Variants in FHIT observed in about 807,000 individuals in gnomAD.
FHIT encodes the protein fragile histidine triad diadenosine triphosphatase, also known as bis(5'-adenosyl)-triphosphatase.
FHIT carries 19 observed loss-of-function variants against 17.9 expected under a neutral mutation model. The ratio of observed to expected loss-of-function variants is 1.06; its 90% CI spans 0.74 to 1.56. The LOEUF (loss-of-function observed/expected upper bound fraction) is 1.56, where lower values mean the gene tolerates loss of function less well. FHIT is among the 40% of genes most tolerant of loss of function. The pLI is 0.00. For synonymous variants in FHIT, 81 were observed against 69.7 expected, an observed-to-expected ratio of 1.16 and a Z score of -0.81; for missense variants, 248 against 189.2, an observed-to-expected ratio of 1.31 and a Z score of -1.82.
chr3:60,750,321 T>C (rs549486928), intron 4 of FHIT, among the ~76,000 whole-genome samples: 5 of 152,158 alleles, frequency 3.3e-5, no homozygotes, highest in Admixed American at 2.6e-4. Context: ...TATGGAGAAA[T>C]TCAGGAGGGC....
chr3:59,767,035 C>T (rs181123529), intron 8 of FHIT, among the ~76,000 whole-genome samples: 1 of 152,144 alleles, frequency 6.6e-6, no homozygotes, highest in East Asian at 1.9e-4. Flanking sequence ...TTCTGGCATC[C>T]CAGATGCAAA....
intron 4 of FHIT, among the ~76,000 whole-genome samples, chr3:60,606,875 C>T (rs546753622): frequency 6.6e-5 from 10 of 152,202 alleles, no homozygotes; most frequent in South Asian, 4.2e-4. Context: ...GTTAACTCCC[C>T]GATATCCTTC....
intron 5 of FHIT, among the ~76,000 whole-genome samples, chr3:60,096,525 C>T (rs1703956056): frequency 6.6e-6 from 1 of 152,178 alleles, no homozygotes; most frequent in African/African-American, 2.4e-5. Flanking sequence ...AGCCTTCAGG[C>T]TGTTTCTGTT....
At chr3:60,854,229 A>AT (rs1703274024) in intron 3 of FHIT, among the ~76,000 whole-genome samples, 1 of 151,896 alleles carries the variant, frequency 6.6e-6, no homozygotes, top group African/African-American at 2.4e-5. Context: ...GACCAATTGT[A>AT]TTTTTCACTT....
intron 3 of FHIT, among the ~76,000 whole-genome samples, chr3:60,962,285 C>G (rs1307120512): frequency 1.3e-5 from 2 of 152,254 alleles, no homozygotes; most frequent in East Asian, 3.9e-4. Flanking sequence ...GATTTTGTAT[C>G]CTGAGACTTT....
At chr3:60,449,103 G>A (rs2031543226) in intron 5 of FHIT, among the ~76,000 whole-genome samples, 1 of 152,174 alleles carries the variant, frequency 6.6e-6, no homozygotes, top group Non-Finnish European at 1.5e-5. Flanking sequence ...TTCCCAGAAT[G>A]CGGCTGTTAA....
At chr3:60,902,064 A>C (rs1230210412) in intron 3 of FHIT, among the ~76,000 whole-genome samples, 1 of 152,200 alleles carries the variant, frequency 6.6e-6, no homozygotes, top group Non-Finnish European at 1.5e-5. Flanking sequence ...GTATATATTT[A>C]TATGAATTCT....
intron 3 of FHIT, among the ~76,000 whole-genome samples, chr3:61,011,463 T>C (rs1263910307): frequency 5.9e-5 from 9 of 152,072 alleles, no homozygotes; most frequent in Admixed American, 5.9e-4. Flanking sequence ...TCAGAACATA[T>C]ATGAAGGGGA....
At chr3:59,764,863 AACACACACACACAC>A (rs57549363) in intron 8 of FHIT, among the ~76,000 whole-genome samples, 11,544 of 145,364 alleles carry the variant, frequency 0.079, 527 homozygotes, top group South Asian at 0.14. Flanking sequence ...GGCAACTGCA[AACACACACACACAC>A]ACACACACAC....
intron 8 of FHIT, among the ~76,000 whole-genome samples, chr3:59,900,980 C>T (rs1704302678): frequency 1.3e-5 from 2 of 152,150 alleles, no homozygotes; most frequent in Admixed American, 6.5e-5. Flanking sequence ...GTTTATATTT[C>T]TTCCAAGTGT....
chr3:59,763,168 T>C (rs1329565533), intron 8 of FHIT, among the ~76,000 whole-genome samples: 2 of 152,248 alleles, frequency 1.3e-5, no homozygotes, highest in African/African-American at 2.4e-5. Flanking sequence ...TCTGCCTTTG[T>C]TGGAATCTCC....
intron 2 of FHIT, among the ~76,000 whole-genome samples, chr3:61,179,008 CTTT>C (rs778191387): frequency 2.4e-5 from 3 of 127,620 alleles, no homozygotes; most frequent in Admixed American, 8.0e-5. Context: ...TTTTCTTTTT[CTTT>C]TTTTTTTTTT....
At chr3:59,897,220 A>G (rs1022057704) in intron 8 of FHIT, among the ~76,000 whole-genome samples, 4 of 152,218 alleles carry the variant, frequency 2.6e-5, no homozygotes, top group African/African-American at 9.6e-5. Flanking sequence ...TTGCTTCTGT[A>G]TCGAGAAACT....
At chr3:60,717,163 G>A (rs782274232) in intron 4 of FHIT, among the ~76,000 whole-genome samples, 5 of 152,120 alleles carry the variant, frequency 3.3e-5, no homozygotes, top group Non-Finnish European at 7.4e-5. Context: ...AAAAAAATGG[G>A]GAGGTGTTGG....
intron 3 of FHIT, among the ~76,000 whole-genome samples, chr3:61,031,841 A>C (rs2033023409): frequency 6.6e-6 from 1 of 152,064 alleles, no homozygotes; most frequent in Admixed American, 6.6e-5. Flanking sequence ...TTATTCCCTG[A>C]GGACCACCAC....
chr3:61,195,406 T>A (rs1042933493), intron 2 of FHIT, among the ~76,000 whole-genome samples: 1 of 152,190 alleles, frequency 6.6e-6, no homozygotes, highest in African/African-American at 2.4e-5. Flanking sequence ...CTGAGAGCAC[T>A]GAGCAAGACA....
At chr3:60,780,994 A>G (rs1157960312) in intron 4 of FHIT, among the ~76,000 whole-genome samples, 1 of 152,086 alleles carries the variant, frequency 6.6e-6, no homozygotes, top group African/African-American at 2.4e-5. Context: ...CACCCTCTCC[A>G]ACAGTCTGCG....
chr3:60,772,766 A>G (rs1700088215), intron 4 of FHIT, among the ~76,000 whole-genome samples: 1 of 152,146 alleles, frequency 6.6e-6, no homozygotes. Flanking sequence ...TGCAGGCAAC[A>G]TCACTATTGT....
intron 4 of FHIT, among the ~76,000 whole-genome samples, chr3:60,623,461 C>A (rs980624927): frequency 1.3e-5 from 2 of 152,094 alleles, no homozygotes; most frequent in African/African-American, 4.8e-5. Context: ...GATTTATATC[C>A]CATCATTTTA....
Sources: allele counts gnomAD v4.1 joint callset (sites outside exome capture counted in the v4.1 genomes callset), GRCh38; gene constraint gnomAD v4.1.1; transcripts MANE v1.5; gene names NCBI Gene and HGNC (gene_info 2026-07-23, HGNC 2026-07-21).